The following ERN1 variants were observed in gnomAD, a reference collection of about 807,000 sequenced individuals.
ERN1 encodes the protein serine/threonine-protein kinase/endoribonuclease IRE1.
A neutral mutation model predicts 113.1 loss-of-function variants in ERN1; 39 were observed. That is an observed-to-expected ratio of 0.34 (90% CI 0.27 to 0.45). The LOEUF (loss-of-function observed/expected upper bound fraction) is 0.45, where lower values mean the gene tolerates loss of function less well. ERN1 is among the 20% of genes least tolerant of loss of function. The probability of loss-of-function intolerance (pLI) is 1.00; values close to 1 mark genes in which losing one functional copy is unlikely to be tolerated. For missense variants in ERN1, 976 were observed against 1,274.8 expected, an observed-to-expected ratio of 0.77 and a Z score of 3.57; for synonymous variants, 507 against 515.9, an observed-to-expected ratio of 0.98 and a Z score of 0.23.
chr17:64,078,351 T>C (rs1342732840), intron 4 of ERN1, among the ~76,000 whole-genome samples: 10 of 152,224 alleles, frequency 6.6e-5, no homozygotes, highest in African/African-American at 2.4e-4. Context: ...TTGGGCTGTC[T>C]TTTTTTAACG....
chr17:64,054,201 A>T lies in ERN1; in HGVS notation c.1953+49T>A. ...GTGATCTGCTCACTTTGGCCTCCCA[A>T]AGTGCTATGACTTTAATAAAGTTAA... is the stretch of plus-strand genomic sequence containing the variant. On this transcript the variant is annotated intron_variant, in intron 15 of 21. Transcript: ENST00000433197. This position sits in a 1 kb window ranked among gnomAD's most constrained non-coding sequence, Gnocchi z 4.9. The T allele has an allele frequency of 6.6e-7, 1 of 1,511,536 alleles. No individual in the cohort carries two copies. Among genetic ancestry groups the T allele is most frequent in the Non-Finnish European group, 8.9e-7 (1 of 1,119,232 alleles). The allele number at this position is 1,511,536 out of a possible 1,614,324, so 93.6% of individuals were successfully genotyped here.
chr17:64,081,093 TG>T (rs1913752969), intron 2 of ERN1, among the ~76,000 whole-genome samples: 1 of 152,148 alleles, frequency 6.6e-6, no homozygotes, highest in Admixed American at 6.5e-5. Flanking sequence ...GCATATAACT[TG>T]GGGGATGGAT....
chr17:64,044,846 T>C lies in ERN1; in HGVS notation c.2721+14A>G. The stretch of plus-strand genomic sequence containing the variant: ...GCCACTGGGTCTCCTCCCCAGCATT[T>C]ACAAACTGCTTACCTTATTTCTCAT... On this transcript the variant is annotated intron_variant, in intron 21 of 21. Transcript: ENST00000433197. This position sits in a 1 kb window ranked among gnomAD's most constrained non-coding sequence, Gnocchi z 4.1. 6.4e-7 allele frequency: 1 copy of C among 1,565,402 alleles called. No individual in the cohort carries two copies.
rs866595941 is a variant in ERN1 at position 64,093,992 on chromosome 17, G to C, written c.175+4129C>G. ...ACAGGCACTAAGTGTGGGGGACCAG[G>C]GATGCTAGCGGTCCTGTACAACCAA... On this transcript the variant is annotated intron_variant, in intron 2 of 21. Transcript: ENST00000433197. 5.3e-5 allele frequency among the ~76,000 whole-genome samples: 8 copies of C among 152,302 alleles called. No homozygotes were observed. The South Asian group carries it at 1.5e-3, about 28-fold the overall frequency.
intron 1 of ERN1, among the ~76,000 whole-genome samples, chr17:64,107,764 C>T (rs1914568947): frequency 6.6e-6 from 1 of 152,182 alleles, no homozygotes; most frequent in African/African-American, 2.4e-5. Flanking sequence ...CTTTTAGTCT[C>T]CTGTCTGTGG....
chr17:64,125,176 G>A (rs972323906), intron 1 of ERN1, among the ~76,000 whole-genome samples: 10 of 152,136 alleles, frequency 6.6e-5, no homozygotes, highest in Admixed American at 4.6e-4. Context: ...TAGAGGTAAT[G>A]TTTGGAAAAT....
Position 64,049,130 on chromosome 17 carries a change from CA to C in ERN1, c.2325del (p.Phe775LeufsTer34). On this transcript the variant is annotated frameshift_variant, in exon 18 of 22. Transcript: ENST00000433197. LOFTEE classifies it high-confidence loss of function. This position sits in a 1 kb window ranked among gnomAD's most constrained non-coding sequence, Gnocchi z 4.7. ...YYVISEGSHP[F>X]GKSLQRQANI... ...TTGGCCTGCCGCTGCAGGGACTTGC[CA>C]AAAGGGTGGCTGCCCTCAGAGATTA... is the stretch of plus-strand genomic sequence containing the variant. 2.5e-6 allele frequency: 4 copies of C among 1,610,452 alleles called. No homozygotes were observed. Among genetic ancestry groups the C allele is most frequent in the Admixed American group, 1.7e-5 (1 of 59,904 alleles).
chr17:64,104,944 C>T (rs541667479), intron 1 of ERN1, among the ~76,000 whole-genome samples: 8 of 152,142 alleles, frequency 5.3e-5, no homozygotes, highest in South Asian at 2.1e-4. Flanking sequence ...CTATACTTAA[C>T]GAGGTTTATA....
Position 64,044,008 on chromosome 17 carries a change from C to G in ERN1, c.2914G>C (p.Val972Leu). 6.2e-7 allele frequency: 1 copy of G among 1,611,920 alleles called. No individual in the cohort carries two copies. Among genetic ancestry groups the G allele is most frequent in the Middle Eastern group, 1.7e-4 (1 of 6,024 alleles). Residue 972 changes from valine to leucine, a missense_variant, in exon 22 of 22, where the codon GTG (valine) becomes CTG (leucine). Coordinates refer to ENST00000433197, the MANE Select transcript of ERN1 (RefSeq NM_001433.5). This position sits in a 1 kb window ranked among gnomAD's most constrained non-coding sequence, Gnocchi z 4.1. ...FHEPPEPQPP[V>L]TPDAL ...CTCGCTCAGAGGGCGTCTGGAGTCA[C>G]TGGGGGCTGGGGCTCTGGGGGCTCG...
intron 6 of ERN1, among the ~76,000 whole-genome samples, chr17:64,070,668 G>A (rs1472948822): frequency 6.6e-6 from 1 of 152,162 alleles, no homozygotes; most frequent in African/African-American, 2.4e-5. Flanking sequence ...TTTCAGGACG[G>A]TTCTCTTTTT....
chr17:64,066,592 T>C (rs1320728164), intron 8 of ERN1, 79 bp downstream of exon 8: 4 of 1,550,306 alleles, frequency 2.6e-6, no homozygotes, highest in Non-Finnish European at 2.6e-6. Context: ...TGGCCTCCCG[T>C]GCAGGGCCTG....
rs888205939 is a variant in ERN1, at chr17:64,113,972, G to A, written c.55-15731C>T. Among the ~76,000 whole-genome samples the A allele has an allele frequency of 4.0e-5, 6 of 151,378 alleles. No individual in the cohort carries two copies. In the South Asian group the frequency reaches 6.3e-4, roughly 16 times the overall value. ...GCTGGGATTACCGGCGTGAACCACC[G>A]TGCCCGGTGACCTTTACCTAAATCT... On this transcript the variant is annotated intron_variant, in intron 1 of 21. Transcript: ENST00000433197.
Position 64,053,261 on chromosome 17 carries a change from C to T in ERN1, c.2053+11G>A, listed in dbSNP as rs201648652. The T allele has an allele frequency of 7.8e-5, 125 of 1,592,560 alleles. No individual in the cohort carries two copies. In the African/African-American group the frequency reaches 1.6e-3, roughly 21 times the overall value. Reference sequence around the variant, plus strand: ...CCCGGGCCGCTGGCCTGGTAAAGTGCAGCCTCTCACCGATGTTGAGGGAGT... The same window carrying T: ...CCCGGGCCGCTGGCCTGGTAAAGTGTAGCCTCTCACCGATGTTGAGGGAGT... On this transcript the variant is annotated intron_variant, in intron 16 of 21. Transcript: ENST00000433197.
Position 64,052,862 on chromosome 17 carries a change from C to T in ERN1, c.2171G>A (p.Ser724Asn), listed in dbSNP as rs1912729581. The T allele has an allele frequency of 6.2e-7, 1 of 1,614,056 alleles. No homozygotes were observed. The highest frequency in any genetic ancestry group is 2.2e-5 in the East Asian group (1 of 44,874). The change falls in exon 17 of 22, where the codon AGT becomes AAT. Residue 724 changes from serine to asparagine, a missense_variant. By Grantham distance (46) the Ser-to-Asn change is conservative. This residue lies in a region of ERN1 where 297 missense variants were observed against 457.8 expected (regional missense o/e 0.65). Transcript: ENST00000433197. ...AGGCACCCCAGATCGGCGGCTGAAA[C>T]TGTGTCTGCCCACTGCCAGCTTCTT... is the stretch of plus-strand genomic sequence containing the variant. ...LCKKLAVGRHSFSRRSGVPGT... is the reference protein window; with the variant it reads ...LCKKLAVGRHNFSRRSGVPGT...
rs1235910032 is a variant in ERN1, at chr17:64,057,918, G to A, written c.1282C>T (p.His428Tyr). The change falls in exon 12 of 22, where the codon CAT (histidine) becomes TAT (tyrosine). Residue 428 changes from histidine to tyrosine, a missense_variant. His to Tyr is a moderately conservative substitution (Grantham distance 83). Coordinates refer to ENST00000433197, the MANE Select transcript of ERN1 (RefSeq NM_001433.5). ...GGGGCCTCGGGCCGGGCAGGGGCAT[G>A]GGCGGGCTTCTCCTCCACATCCCGA... ...VSRDVEEKPAHAPARPEAPVD... is the reference protein window; with the variant it reads ...VSRDVEEKPAYAPARPEAPVD... 6.2e-7 allele frequency: 1 copy of A among 1,611,710 alleles called. No individual in the cohort carries two copies. The highest frequency in any genetic ancestry group is 1.1e-5 in the South Asian group (1 of 90,570).
intron 2 of ERN1, among the ~76,000 whole-genome samples, chr17:64,082,839 T>TAC (rs1913809326): frequency 7.6e-6 from 1 of 132,414 alleles, no homozygotes; most frequent in East Asian, 2.0e-4. Context: ...CATTGGTGTT[T>TAC]AAGAACTGTG....
chr17:64,045,710 A>G (rs1407625037), intron 19 of ERN1, among the ~76,000 whole-genome samples: 1 of 152,176 alleles, frequency 6.6e-6, no homozygotes, highest in Non-Finnish European at 1.5e-5. Flanking sequence ...GAGGTGTCAC[A>G]GAGTACACCT....
In ERN1 at chr17:64,063,127, A is replaced by G. The variant is rs1043675789; in HGVS notation, c.1087+859T>C. ...CCAGCAAGCACGACAGGAAGAGAACAGAGAGAAGAAACTGCACCGGCCCCT... is the reference window on the plus strand; with the variant it reads ...CCAGCAAGCACGACAGGAAGAGAACGGAGAGAAGAAACTGCACCGGCCCCT... On this transcript the variant is annotated intron_variant, in intron 10 of 21. Coordinates refer to ENST00000433197, the MANE Select transcript of ERN1 (RefSeq NM_001433.5). This position sits in a 1 kb window ranked among gnomAD's most constrained non-coding sequence, Gnocchi z 5.1. Among the ~76,000 whole-genome samples, 12 of 152,234 alleles carry G rather than the reference A, an allele frequency of 7.9e-5. No homozygotes were observed. Among genetic ancestry groups the G allele is most frequent in the African/African-American group, 2.9e-4 (12 of 41,450 alleles).
intron 1 of ERN1, among the ~76,000 whole-genome samples, chr17:64,108,322 T>C (rs759704792): frequency 1.3e-5 from 2 of 152,220 alleles, no homozygotes; most frequent in Non-Finnish European, 2.9e-5. Flanking sequence ...GGGCTGAGTG[T>C]CTGAGTTCAA....
Sources: allele counts gnomAD v4.1 joint callset (sites outside exome capture counted in the v4.1 genomes callset), GRCh38; gene constraint gnomAD v4.1.1; regional missense constraint gnomAD v4.1.1; non-coding constraint Gnocchi (gnomAD v3.1); transcripts MANE v1.5; gene names NCBI Gene and HGNC (gene_info 2026-07-23, HGNC 2026-07-21).